The following ABCG5 variants were observed in gnomAD, a reference collection of about 807,000 sequenced individuals.
ABCG5 encodes ATP binding cassette subfamily G member 5.
In ABCG5, 64 loss-of-function variants were observed where a neutral mutation model predicts 64.5. That is an observed-to-expected ratio of 0.99 (90% CI 0.81 to 1.22). The LOEUF (loss-of-function observed/expected upper bound fraction) is 1.22, where lower values mean the gene tolerates loss of function less well. Among genes scored for constraint, ABCG5 ranks in the 50% most tolerant of loss-of-function variants. The pLI is 0.00. For synonymous variants in ABCG5, 385 were observed against 326.3 expected (o/e 1.18, Z -1.94); for missense variants, 908 against 829.5 (o/e 1.09, Z -1.16).
chr2:43,833,363 ATATTAT>A (rs67113914), intron 2 of ABCG5, among the ~76,000 whole-genome samples: 6,511 of 144,124 alleles, frequency 0.045, 275 homozygotes, highest in African/African-American at 0.098. Flanking sequence ...TTTTGTTGAA[ATATTAT>A]TATTATTATT....
In ABCG5 at chr2:43,824,892, A is replaced by T; in HGVS notation, c.901T>A (p.Tyr301Asn). The T allele has an allele frequency of 1.9e-6, 3 of 1,614,038 alleles. No homozygotes were observed. The highest frequency in any genetic ancestry group is 2.5e-6 in the Non-Finnish European group (3 of 1,179,926). The change falls in exon 7 of 13, where the codon TAT (tyrosine) becomes AAT (asparagine). Residue 301 changes from tyrosine to asparagine, a missense_variant. Physicochemically the swap from Tyr to Asn is moderately radical, Grantham distance 143. Coordinates refer to ENST00000405322, the MANE Select transcript of ABCG5 (RefSeq NM_022436.3). ...GGAATGTGAAAGAAAAACTTACTAT[A>T]GAAGTCAAAAGGGTTTGAATGTTCA... is the stretch of plus-strand genomic sequence containing the variant. ...CPEHSNPFDFYMDLTSVDTQS... is the reference protein window; with the variant it reads ...CPEHSNPFDFNMDLTSVDTQS...
In ABCG5 at chr2:43,838,149, G is replaced by A; in HGVS notation, c.144-194C>T. On this transcript the variant is annotated intron_variant, in intron 1 of 12. Transcript: ENST00000405322. This position sits in a 1 kb window ranked among gnomAD's most constrained non-coding sequence, Gnocchi z 4.2. ...TGAGGCTGTCTGCCACGTAGGGAGG[G>A]GGCCTGTGCTGGAGTTGCTCTGAAT... 1 of 705,912 alleles carries A rather than the reference G, an allele frequency of 1.4e-6. No individual in the cohort carries two copies. Among genetic ancestry groups the A allele is most frequent in the Non-Finnish European group, 2.4e-6 (1 of 425,484 alleles). The allele number at this position is 705,912 out of a possible 1,614,324, so 43.7% of individuals were successfully genotyped here.
chr2:43,812,154 G>A (rs4952686), downstream of ABCG5, among the ~76,000 whole-genome samples: 1 of 151,640 alleles, frequency 6.6e-6, no homozygotes, highest in South Asian at 2.1e-4. Flanking sequence ...AGGTTTAAGC[G>A]ATCCTTCCAC....
intron 11 of ABCG5, among the ~76,000 whole-genome samples, chr2:43,819,268 C>G (rs992138747): frequency 1.3e-5 from 2 of 151,818 alleles, no homozygotes; most frequent in African/African-American, 4.8e-5. Flanking sequence ...TTTGCTGCTG[C>G]TTTTTAAAAA....
chr2:43,818,909 A>T (rs1454573958), intron 11 of ABCG5, among the ~76,000 whole-genome samples: 1 of 152,172 alleles, frequency 6.6e-6, no homozygotes, highest in African/African-American at 2.4e-5. Context: ...ATTTAGATAG[A>T]AAAGAGACTG....
chr2:43,832,396 T>C, intron 2 of ABCG5: 4 of 505,712 alleles, frequency 7.9e-6, no homozygotes. Flanking sequence ...CTGTTTTGGA[T>C]TGAAAAACAA....
At chr2:43,807,136 A>G in the ABCG5 span, among the ~76,000 whole-genome samples, 2 of 152,268 alleles carry the variant, frequency 1.3e-5, no homozygotes, top group Non-Finnish European at 1.5e-5. Context: ...ATATTATTTC[A>G]TACTATTTCA....
Position 43,831,957 on chromosome 2 carries a change from T to C in ABCG5, c.392A>G (p.Tyr131Cys), listed in dbSNP as rs569748582. Residue 131 changes from tyrosine (Y) to cysteine (C), a missense_variant, in exon 3 of 13, where the codon TAC (tyrosine) becomes TGC (cysteine). Coordinates refer to ENST00000405322, the MANE Select transcript of ABCG5 (RefSeq NM_022436.3). ...GGGGGACGCGCCCACCTGCAGGACGTAGGAGAAGCAGTCCTGGAACTGCTC... is the reference window on the plus strand; with the variant it reads ...GGGGGACGCGCCCACCTGCAGGACGCAGGAGAAGCAGTCCTGGAACTGCTC... ...RREQFQDCFS[Y>C]VLQSDTLLSS... The C allele has an allele frequency of 4.6e-5, 71 of 1,550,016 alleles. No homozygotes were observed. In the Middle Eastern group the frequency reaches 8.7e-4, roughly 19 times the overall value.
At chr2:43,832,633 T>C (rs1668022273) in intron 2 of ABCG5, 1 of 165,142 alleles carries the variant, frequency 6.1e-6, no homozygotes, top group South Asian at 1.6e-4. Flanking sequence ...TCAGCTCTGC[T>C]TCAGTCGAGT....
At chr2:43,814,155 G>T (rs1441761854) in intron 12 of ABCG5, among the ~76,000 whole-genome samples, 7 of 152,254 alleles carry the variant, frequency 4.6e-5, no homozygotes, top group Admixed American at 3.3e-4. Context: ...AGCCACTTCA[G>T]CCTGCTTGAA....
At chr2:43,810,389 A>G (rs1314461195), downstream of ABCG5, 2 of 985,250 alleles carry the variant, frequency 2.0e-6, no homozygotes, top group South Asian at 4.7e-5. Flanking sequence ...AGGCACATCT[A>G]AGGAGATATC....
chr2:43,813,163 G>T lies in ABCG5; in HGVS notation c.1909C>A (p.Leu637Ile). 6.8e-7 allele frequency: 1 copy of T among 1,480,332 alleles called. No individual in the cohort carries two copies. Among genetic ancestry groups the T allele is most frequent in the Non-Finnish European group, 9.4e-7 (1 of 1,058,542 alleles). 91.7% of individuals were successfully genotyped at this position (1,480,332 alleles called of 1,614,324 possible). Reference sequence around the variant, plus strand: ...CTTATTTTGAAAACAACTATTCCTAGGATGACAAGAGCTGGAATAAATGAA... The same window carrying T: ...CTTATTTTGAAAACAACTATTCCTATGATGACAAGAGCTGGAATAAATGAA... The part of the protein sequence containing the change: ...LYSFIPALVI[L>I]GIVVFKIRDH... Residue 637 changes from leucine (L) to isoleucine (I), a missense_variant, in exon 13 of 13, where the codon CTA becomes ATA. By Grantham distance (5) the Leu-to-Ile change is conservative. Coordinates refer to ENST00000405322, the MANE Select transcript of ABCG5 (RefSeq NM_022436.3).
In ABCG5 at chr2:43,820,087, G is replaced by GT; in HGVS notation, c.1476dup (p.His493ThrfsTer3). ...TATCCAAATCGGGCAACCTCAGGAT[G>GT]TAAGCCCAGCGTCCTAGAAAAGCAT... On this transcript the variant is annotated frameshift_variant, in exon 11 of 13. Coordinates refer to ENST00000405322, the MANE Select transcript of ABCG5 (RefSeq NM_022436.3). LOFTEE classifies it high-confidence loss of function. 6.2e-7 allele frequency: 1 copy of GT among 1,613,890 alleles called. No individual in the cohort carries two copies. The highest frequency in any genetic ancestry group is 1.3e-5 in the African/African-American group (1 of 75,038).
At chr2:43,806,892 C>A in the ABCG5 span, among the ~76,000 whole-genome samples, 1 of 151,946 alleles carries the variant, frequency 6.6e-6, no homozygotes, top group Non-Finnish European at 1.5e-5. Flanking sequence ...TCTCTTGGTT[C>A]GAGATTTTTT....
chr2:43,813,315 A>G lies in ABCG5; in HGVS notation c.1763-6T>C, dbSNP rs763578681. On this transcript the variant is annotated splice_region_variant and splice_polypyrimidine_tract_variant and intron_variant, in intron 12 of 12. Transcript: ENST00000405322. ...CACAGAAACATTTGAGCTGCCTGTC[A>G]AGGAAAAGATTGACAGTGTCAGGTG... 6.2e-7 allele frequency: 1 copy of G among 1,601,514 alleles called. No homozygotes were observed. The highest frequency in any genetic ancestry group is 8.6e-7 in the Non-Finnish European group (1 of 1,169,330).
At chr2:43,810,651 T>C (rs1558707621), downstream of ABCG5, 1 of 380,014 alleles carries the variant, frequency 2.6e-6, no homozygotes, top group Non-Finnish European at 3.6e-6. Context: ...TCTGAGCAGA[T>C]AGCAAGCCAT....
At chr2:43,809,223 C>T (rs1666390979), downstream of ABCG5, among the ~76,000 whole-genome samples, 1 of 152,090 alleles carries the variant, frequency 6.6e-6, no homozygotes, top group South Asian at 2.1e-4. Context: ...AATTCCTGGG[C>T]TCAAGCAATT....
rs1292575779 is a variant in ABCG5 at position 43,826,316 on chromosome 2, C to T, written c.774+66G>A. The T allele has an allele frequency of 1.9e-6, 3 of 1,609,244 alleles. No individual in the cohort carries two copies. In the African/African-American group the frequency reaches 4.0e-5, roughly 22 times the overall value. ...TGCCTGGCCACTGGTACAAATCTTG[C>T]CCCTGCCCCTGTGATTCCCAGCTCA... is the stretch of plus-strand genomic sequence containing the variant. On this transcript the variant is annotated intron_variant, in intron 6 of 12. Transcript: ENST00000405322.
intron 9 of ABCG5, among the ~76,000 whole-genome samples, chr2:43,823,324 C>T (rs933220380): frequency 4.7e-5 from 6 of 128,698 alleles, no homozygotes; most frequent in South Asian, 5.8e-4. Context: ...GACTTGCTCT[C>T]GGAAGGCCAG....
Sources: gnomAD v4.1 joint callset for allele counts (sites outside exome capture counted in the v4.1 genomes callset) on GRCh38, gnomAD v4.1.1 for gene constraint, Gnocchi (gnomAD v3.1) non-coding constraint, MANE v1.5 for transcripts, NCBI Gene and HGNC (gene_info 2026-07-23, HGNC 2026-07-21) for gene names.